Variants in ACYP2 observed in about 807,000 individuals in gnomAD.
ACYP2 encodes the protein acylphosphatase 2.
Under a neutral mutation model 11.2 loss-of-function variants are expected in ACYP2, and 12 were observed. The observed-to-expected ratio is 1.08, with a 90% CI of 0.69 to 1.74. The LOEUF is 1.74. Among genes scored for constraint, ACYP2 ranks in the 40% most tolerant of loss-of-function variants. The pLI is 0.00. For synonymous variants in ACYP2, 43 were observed against 32.2 expected, an observed-to-expected ratio of 1.33 and a Z score of -1.13; for missense variants, 134 against 101.9, an observed-to-expected ratio of 1.31 and a Z score of -1.35.
rs560408331 is a variant in ACYP2, at chr2:54,051,543, AAGG to A, written c.155+496_155+498del. The A allele has an allele frequency of 2.4e-4, 175 of 735,630 alleles. 4 individuals are homozygous for A. The highest frequency in any genetic ancestry group is 2.3e-3 in the South Asian group (160 of 71,050). The allele number at this position is 735,630 out of a possible 1,614,324, so 45.6% of individuals were successfully genotyped here. On this transcript the variant is annotated intron_variant, in intron 3 of 6. Transcript: ENST00000607452. ...TGTTCTGAGAATTGCCCAAAAATAA[AAGG>A]AGATCATCTTGGCCTGTCCATTGGT...
At chr2:54,037,510 G>A (rs1383423225) in intron 2 of ACYP2, among the ~76,000 whole-genome samples, 3 of 151,894 alleles carry the variant, frequency 2.0e-5, no homozygotes, top group Admixed American at 6.6e-5. Context: ...TCCTAGGCTC[G>A]AGCAATCCAA....
chr2:54,262,976 A>G (rs752370786), intron 6 of ACYP2, among the ~76,000 whole-genome samples: 4 of 152,154 alleles, frequency 2.6e-5, no homozygotes, highest in East Asian at 1.9e-4. Context: ...TGCCAGCACT[A>G]TGGGGGGCCA....
chr2:54,165,535 TCACACA>T (rs1163844895), intron 6 of ACYP2, among the ~76,000 whole-genome samples: 166 of 128,964 alleles, frequency 1.3e-3, no homozygotes, highest in Admixed American at 3.8e-3. Flanking sequence ...TCTCTCTCTC[TCACACA>T]CACACACACA....
chr2:54,054,394 T>C (rs1676015319), intron 3 of ACYP2, among the ~76,000 whole-genome samples: 1 of 152,232 alleles, frequency 6.6e-6, no homozygotes, highest in South Asian at 2.1e-4. Context: ...TAAGTTTCTC[T>C]TTTAAAGAAA....
intron 6 of ACYP2, among the ~76,000 whole-genome samples, chr2:54,179,114 A>G (rs1235407): frequency 0.56 from 84,584 of 151,550 alleles, 24,457 homozygotes; most frequent in African/African-American, 0.71. Context: ...TTTAATAAGC[A>G]CATTAAGGGA....
chr2:54,053,134 G>T (rs1038283610), intron 3 of ACYP2, among the ~76,000 whole-genome samples: 1 of 152,246 alleles, frequency 6.6e-6, no homozygotes, highest in Non-Finnish European at 1.5e-5. Context: ...TGTTGGCTCA[G>T]TATAAGTGCC....
intron 6 of ACYP2, among the ~76,000 whole-genome samples, chr2:54,165,535 TCACACACACACACACACACACACA>T (rs1163844895): frequency 7.8e-6 from 1 of 128,852 alleles, no homozygotes. Context: ...TCTCTCTCTC[TCACACACACACACACACACACACA>T]CACACACACA....
chr2:54,249,177 T>G (rs554346823), intron 6 of ACYP2, among the ~76,000 whole-genome samples: 1 of 151,980 alleles, frequency 6.6e-6, no homozygotes, highest in Non-Finnish European at 1.5e-5. Flanking sequence ...ATAGTGTAAA[T>G]GATGGGAAAA....
rs142383745 is a variant in ACYP2 at position 54,256,361 on chromosome 2, C to T, written c.405-48327C>T. Reference sequence around the variant, plus strand: ...TTTACGTCTTTGTTATTTTAGCCATCGTGCTGGATGAGTAATGATATTACA... The same window carrying T: ...TTTACGTCTTTGTTATTTTAGCCATTGTGCTGGATGAGTAATGATATTACA... On this transcript the variant is annotated intron_variant, in intron 6 of 6. Coordinates refer to ENST00000607452, the MANE Select transcript of ACYP2 (RefSeq NM_001320586.2). The T allele has an allele frequency of 6.2e-4, 362 of 582,396 alleles. 5 individuals carry two copies. In the East Asian group the frequency reaches 8.9e-3, roughly 14 times the overall value. The allele number at this position is 582,396 out of a possible 1,614,324, so 36.1% of individuals were successfully genotyped here.
chr2:54,122,334 C>G (rs1453436349), intron 4 of ACYP2, among the ~76,000 whole-genome samples: 7 of 152,192 alleles, frequency 4.6e-5, no homozygotes, highest in Non-Finnish European at 1.0e-4. Flanking sequence ...TCACTGACAC[C>G]TCTTTCCACA....
intron 2 of ACYP2, among the ~76,000 whole-genome samples, chr2:53,986,096 C>T (rs1298569733): frequency 3.3e-5 from 5 of 151,920 alleles, no homozygotes; most frequent in South Asian, 2.1e-4. Flanking sequence ...CACTGCACTC[C>T]AGTCTGAGCA....
At chr2:54,202,825 C>T (rs994766391) in intron 6 of ACYP2, among the ~76,000 whole-genome samples, 4 of 141,180 alleles carry the variant, frequency 2.8e-5, no homozygotes, top group African/African-American at 1.0e-4. Context: ...GCTAGGATTA[C>T]AGGTGAACAC....
intron 2 of ACYP2, among the ~76,000 whole-genome samples, chr2:54,026,082 A>C (rs1208253207): frequency 6.6e-6 from 1 of 152,158 alleles, no homozygotes; most frequent in East Asian, 1.9e-4. Flanking sequence ...GCACCACTGC[A>C]CTCCAGTCTG....
At chr2:54,116,816 A>G (rs538697688) in intron 4 of ACYP2, among the ~76,000 whole-genome samples, 2 of 152,166 alleles carry the variant, frequency 1.3e-5, no homozygotes, top group East Asian at 3.9e-4. Context: ...TCTTTCCCCT[A>G]CTGGCTAGGG....
intron 6 of ACYP2, among the ~76,000 whole-genome samples, chr2:54,275,336 T>C (rs1201126868): frequency 6.6e-6 from 1 of 152,242 alleles, no homozygotes; most frequent in East Asian, 1.9e-4. Flanking sequence ...TTATCTGTCC[T>C]GTATCTCACT....
intron 4 of ACYP2, among the ~76,000 whole-genome samples, chr2:54,130,141 A>G (rs947908952): frequency 6.6e-6 from 1 of 152,180 alleles, no homozygotes. Flanking sequence ...AAAGTAAACA[A>G]TGTATGTGCA....
At chr2:54,126,702 C>T (rs1001711774) in intron 4 of ACYP2, among the ~76,000 whole-genome samples, 2 of 150,968 alleles carry the variant, frequency 1.3e-5, no homozygotes, top group Non-Finnish European at 2.9e-5. Context: ...AATCCCAGAA[C>T]TTTGGGAGGC....
At chr2:53,999,891 A>G (rs887505590) in intron 2 of ACYP2, among the ~76,000 whole-genome samples, 1 of 152,162 alleles carries the variant, frequency 6.6e-6, no homozygotes, top group African/African-American at 2.4e-5. Flanking sequence ...AGTCCAAAGC[A>G]GTTAGTGTCT....
chr2:54,190,677 G>A (rs985924419), intron 6 of ACYP2, among the ~76,000 whole-genome samples: 3 of 151,928 alleles, frequency 2.0e-5, no homozygotes, highest in Non-Finnish European at 4.4e-5. Context: ...GAGTCCCAGC[G>A]TATAGTGCTT....
Sources: allele counts gnomAD v4.1 joint callset (sites outside exome capture counted in the v4.1 genomes callset), GRCh38; gene constraint gnomAD v4.1.1; transcripts MANE v1.5; gene names NCBI Gene and HGNC (gene_info 2026-07-23, HGNC 2026-07-21).